The following ERCC3 variants were observed in gnomAD, a reference collection of about 807,000 sequenced individuals.
ERCC3 encodes ERCC excision repair 3, TFIIH core complex helicase subunit.
ERCC3 carries 66 observed loss-of-function variants against 94.2 expected under a neutral mutation model. The observed-to-expected ratio is 0.70, with a 90% CI of 0.57 to 0.86. ERCC3 has a LOEUF of 0.86. Ranked by LOEUF, ERCC3 falls within the 40% of genes least tolerant of loss-of-function variation. The pLI, the probability that ERCC3 is intolerant of heterozygous loss-of-function variation, is 0.00. For missense variants in ERCC3, 829 were observed against 987.1 expected (o/e 0.84, Z 2.15); for synonymous variants, 349 against 369.1 (o/e 0.95, Z 0.63).
chr2:127,272,289 T>C (rs1684583461), intron 11 of ERCC3, among the ~76,000 whole-genome samples: 1 of 152,162 alleles, frequency 6.6e-6, no homozygotes, highest in African/African-American at 2.4e-5. Flanking sequence ...CCTCCCAAAG[T>C]GCTGGGATTA....
In ERCC3 at chr2:127,277,517, C is replaced by T. The variant is rs4150468; in HGVS notation, c.1730+1656G>A. On this transcript the variant is annotated intron_variant, in intron 10 of 14. Transcript: ENST00000285398. The surrounding 1 kb of genome is among the most constrained non-coding windows in gnomAD (Gnocchi z 5.1). ...CCATCCTGGCCAATATGGTGAAACC[C>T]TATCTCTACCAAAAATACAAAAATT... Among the ~76,000 whole-genome samples, 11,360 of 152,092 alleles carry T rather than the reference C, an allele frequency of 0.075. 621 individuals are homozygous for T. Among genetic ancestry groups the T allele is most frequent in the African/African-American group, 0.15 (6,413 of 41,446 alleles).
intron 1 of ERCC3, 160 bp downstream of exon 1, chr2:127,293,893 AG>A: frequency 6.6e-7 from 1 of 1,525,710 alleles, no homozygotes; most frequent in African/African-American, 1.4e-5. Flanking sequence ...GGCTGCGCCC[AG>A]GTCCAGCATC....
intron 10 of ERCC3, among the ~76,000 whole-genome samples, chr2:127,276,015 G>A (rs1467222710): frequency 6.6e-6 from 1 of 152,210 alleles, no homozygotes; most frequent in Non-Finnish European, 1.5e-5. Context: ...GTGAGGAGCA[G>A]TTGGGTCCGG....
chr2:127,290,352 T>C (rs1460410484), intron 3 of ERCC3, 79 bp from the exon 4 acceptor site: 1 of 1,177,700 alleles, frequency 8.5e-7, no homozygotes, highest in Non-Finnish European at 1.3e-6. Flanking sequence ...ATCTTACACC[T>C]ACCAACCAAG....
In ERCC3 at chr2:127,292,636, G is replaced by A. The variant is rs1685310724; in HGVS notation, c.445C>T (p.Pro149Ser). 1.2e-5 allele frequency: 20 copies of A among 1,613,294 alleles called. No homozygotes were observed. Among genetic ancestry groups the A allele is most frequent in the Non-Finnish European group, 1.7e-5 (20 of 1,179,272 alleles). The change falls in exon 3 of 15, where the codon CCT becomes TCT. Residue 149 changes from proline (P) to serine (S), a missense_variant. Coordinates refer to ENST00000285398, the MANE Select transcript of ERCC3 (RefSeq NM_000122.2). ...TTAATAAACTGCATAATTCCATCAG[G>A]GACTCCAGTCTTGCTGAGCTTCCTG... ...YLRKLSKTGV[P>S]DGIMQFIKLC...
In ERCC3 at chr2:127,291,081, C is replaced by CA. The variant is rs1283395853; in HGVS notation, c.472-809dup. Among the ~76,000 whole-genome samples, 56 of 149,520 alleles carry CA rather than the reference C, an allele frequency of 3.7e-4. No individual in the cohort carries two copies. The highest frequency in any genetic ancestry group is 7.3e-4 in the Admixed American group (11 of 15,068). On this transcript the variant is annotated intron_variant, in intron 3 of 14. Transcript: ENST00000285398. The surrounding 1 kb of genome is among the most constrained non-coding windows in gnomAD (Gnocchi z 4.9). Reference sequence around the variant, plus strand: ...TGGGCGACAGAGCAAGACTCCGTCTCAAAAAAAAAGAAAAAAAAAATTTGC... The same window carrying CA: ...TGGGCGACAGAGCAAGACTCCGTCTCAAAAAAAAAAGAAAAAAAAAATTTGC...
intron 13 of ERCC3, chr2:127,260,134 G>C (rs915487016): frequency 7.7e-5 from 12 of 156,430 alleles, no homozygotes; most frequent in African/African-American, 2.9e-4. Context: ...TCTGGGCCAG[G>C]GATCCAGAGT....
Position 127,286,896 on chromosome 2 carries a change from G to A in ERCC3, c.1149C>T (p.Thr383=), listed in dbSNP as rs538648773. The change falls in exon 8 of 15, where the codon ACC becomes ACT. Residue 383 remains threonine (T), a synonymous_variant. Transcript: ENST00000285398. ...QWKAQFKMWS[T]IDDSQICRFT... ...ACCGGCAGATCTGGCTGTCGTCAATGGTGGACCACATCTTGAACTGGGCTT... is the reference window on the plus strand; with the variant it reads ...ACCGGCAGATCTGGCTGTCGTCAATAGTGGACCACATCTTGAACTGGGCTT... 1 of 1,614,208 alleles carries A rather than the reference G, an allele frequency of 6.2e-7. No homozygotes were observed. Among genetic ancestry groups the A allele is most frequent in the African/African-American group, 1.3e-5 (1 of 75,050 alleles).
chr2:127,257,504 G>C lies in ERCC3; in HGVS notation c.*92C>G. 1 of 1,551,688 alleles carries C rather than the reference G, an allele frequency of 6.4e-7. No homozygotes were observed. Among genetic ancestry groups the C allele is most frequent in the Non-Finnish European group, 8.9e-7 (1 of 1,125,478 alleles). On this transcript the variant is annotated 3_prime_UTR_variant, in exon 15 of 15. Coordinates refer to ENST00000285398, the MANE Select transcript of ERCC3 (RefSeq NM_000122.2). This position sits in a 1 kb window ranked among gnomAD's most constrained non-coding sequence, Gnocchi z 5.4. ...CAATTTGGCCAACGCTGGAGGGAAGGTCAAAGAGGTGGAAGGAAAATGTTA... is the reference window on the plus strand; with the variant it reads ...CAATTTGGCCAACGCTGGAGGGAAGCTCAAAGAGGTGGAAGGAAAATGTTA...
At chr2:127,289,963 C>A in intron 4 of ERCC3, 139 bp from the exon 5 acceptor site, 1 of 1,044,896 alleles carries the variant, frequency 9.6e-7, no homozygotes. Flanking sequence ...GTACCATGAG[C>A]TGCCGGCCAT....
chr2:127,284,880 T>A lies in ERCC3; in HGVS notation c.1342+1823A>T, dbSNP rs1160674176. ...AAAAATTTTTTTTTGTAGAGACATG[T>A]CTCACTATGTTACCCAGGCTAATCT... On this transcript the variant is annotated intron_variant, in intron 8 of 14. Transcript: ENST00000285398. This position sits in a 1 kb window ranked among gnomAD's most constrained non-coding sequence, Gnocchi z 4.1. Among the ~76,000 whole-genome samples, 2 of 152,042 alleles carry A rather than the reference T, an allele frequency of 1.3e-5. No individual in the cohort carries two copies. Among genetic ancestry groups the A allele is most frequent in the African/African-American group, 4.8e-5 (2 of 41,406 alleles).
At chr2:127,272,756 AG>A in intron 11 of ERCC3, 108 bp downstream of exon 11, 1 of 767,494 alleles carries the variant, frequency 1.3e-6, no homozygotes, top group Non-Finnish European at 2.4e-6. Flanking sequence ...GAAAACATGC[AG>A]GAGAAGTTCC....
chr2:127,274,779 C>T lies in ERCC3; in HGVS notation c.1731-1818G>A, dbSNP rs940458484. On this transcript the variant is annotated intron_variant, in intron 10 of 14. Coordinates refer to ENST00000285398, the MANE Select transcript of ERCC3 (RefSeq NM_000122.2). The surrounding 1 kb of genome is among the most constrained non-coding windows in gnomAD (Gnocchi z 4.0). Reference sequence around the variant, plus strand: ...CCTCCCCCATCACCAGGAAAAACTACTTGCACAGTGGGGAGCCCTCAGTTT... The same window carrying T: ...CCTCCCCCATCACCAGGAAAAACTATTTGCACAGTGGGGAGCCCTCAGTTT... Among the ~76,000 whole-genome samples the T allele has an allele frequency of 2.0e-5, 3 of 152,198 alleles. No individual in the cohort carries two copies. The highest frequency in any genetic ancestry group is 7.2e-5 in the African/African-American group (3 of 41,462).
At chr2:127,267,091 T>C (rs905266059) in intron 12 of ERCC3, among the ~76,000 whole-genome samples, 2 of 152,224 alleles carry the variant, frequency 1.3e-5, no homozygotes, top group African/African-American at 4.8e-5. Flanking sequence ...TAGAGAATTA[T>C]GTAGATGCCT....
In ERCC3 at chr2:127,272,925, C is replaced by G; in HGVS notation, c.1767G>C (p.Arg589Ser). Residue 589 changes from arginine (R) to serine (S), a missense_variant, in exon 11 of 15, where the codon AGG becomes AGC. Transcript: ENST00000285398. ...GCTTGAAATTCTGGAGAATTTGCAT[C>G]CTTTCCCCCTGAGACGTAGGTCCGT... ...YIYGPTSQGE[R>S]MQILQNFKHN... The G allele has an allele frequency of 6.2e-7, 1 of 1,613,516 alleles. No homozygotes were observed. Among genetic ancestry groups the G allele is most frequent in the Non-Finnish European group, 8.5e-7 (1 of 1,179,444 alleles).
rs4150445 is a variant in ERCC3 at position 127,282,607 on chromosome 2, C to T, written c.1343-1976G>A. The stretch of plus-strand genomic sequence containing the variant: ...ATTGATCACTCCACCTAACCCAACA[C>T]AGCAGACGTTAAGACAGTCAGGAGA... On this transcript the variant is annotated intron_variant, in intron 8 of 14. Transcript: ENST00000285398. 1.1e-3 allele frequency among the ~76,000 whole-genome samples: 169 copies of T among 152,322 alleles called. 2 individuals carry two copies. Among genetic ancestry groups the T allele is most frequent in the African/African-American group, 4.0e-3 (166 of 41,566 alleles).
intron 10 of ERCC3, among the ~76,000 whole-genome samples, chr2:127,278,691 T>G (rs927562608): frequency 1.3e-5 from 2 of 152,336 alleles, no homozygotes; most frequent in Non-Finnish European, 2.9e-5. Flanking sequence ...TAAGCACAAA[T>G]ATTTGGGTGG....
chr2:127,288,892 A>T (rs757927507), intron 6 of ERCC3, 28 bp from the exon 7 acceptor site: 8 of 1,560,610 alleles, frequency 5.1e-6, no homozygotes, highest in Non-Finnish European at 6.2e-6. Flanking sequence ...AAGGGGTTTT[A>T]AAATCTTGTT....
intron 1 of ERCC3, 142 bp from the exon 2 acceptor site, chr2:127,293,860 T>C: frequency 6.4e-7 from 1 of 1,555,576 alleles, no homozygotes; most frequent in Non-Finnish European, 8.7e-7. Context: ...CCCTCACCCG[T>C]CTCCCCTAGG....
Sources: allele counts gnomAD v4.1 joint callset (sites outside exome capture counted in the v4.1 genomes callset), GRCh38; gene constraint gnomAD v4.1.1; non-coding constraint Gnocchi (gnomAD v3.1); transcripts MANE v1.5; gene names NCBI Gene and HGNC (gene_info 2026-07-23, HGNC 2026-07-21).